Variants in SEMA6D observed in about 807,000 individuals in gnomAD.
SEMA6D encodes the protein semaphorin-6D.
In SEMA6D, 35 loss-of-function variants were observed where a neutral mutation model predicts 106.6. The ratio of observed to expected loss-of-function variants is 0.33; its 90% CI spans 0.25 to 0.44. The LOEUF (loss-of-function observed/expected upper bound fraction) is 0.44. SEMA6D is among the 20% of genes least tolerant of loss of function. The pLI, the probability that SEMA6D is intolerant of heterozygous loss-of-function variation, is 1.00. For synonymous variants in SEMA6D, 499 were observed against 487.7 expected (o/e 1.02, Z -0.31); for missense variants, 1,185 against 1,345.9 (o/e 0.88, Z 1.87).
At chr15:47,679,068 G>T (rs2078297904) in intron 4 of SEMA6D, among the ~76,000 whole-genome samples, 1 of 152,196 alleles carries the variant, frequency 6.6e-6, no homozygotes, top group Non-Finnish European at 1.5e-5. Context: ...ATTAAAATAT[G>T]TCCGATGTTA....
intron 1 of SEMA6D, among the ~76,000 whole-genome samples, chr15:47,235,966 T>G (rs1314349589): frequency 6.6e-6 from 1 of 152,096 alleles, no homozygotes; most frequent in Non-Finnish European, 1.5e-5. Flanking sequence ...GTACTTGGAA[T>G]GATGACTGTT....
At chr15:47,188,071 T>G (rs1048768291) in intron 1 of SEMA6D, among the ~76,000 whole-genome samples, 2 of 152,192 alleles carry the variant, frequency 1.3e-5, no homozygotes, top group African/African-American at 4.8e-5. Flanking sequence ...TTCCACTCAC[T>G]TTTTTATTTT....
intron 4 of SEMA6D, among the ~76,000 whole-genome samples, chr15:47,643,051 G>C (rs908550576): frequency 1.3e-5 from 2 of 152,106 alleles, no homozygotes; most frequent in Non-Finnish European, 2.9e-5. Flanking sequence ...TAGGAACAAG[G>C]TTGGGGATTA....
intron 1 of SEMA6D, among the ~76,000 whole-genome samples, chr15:47,264,631 A>G (rs1021553762): frequency 3.9e-5 from 6 of 152,068 alleles, no homozygotes; most frequent in Admixed American, 6.6e-5. Context: ...TAGAACTTCC[A>G]GTACACTATT....
intron 1 of SEMA6D, among the ~76,000 whole-genome samples, chr15:47,337,593 A>G (rs527429300): frequency 6.6e-6 from 1 of 152,308 alleles, no homozygotes; most frequent in African/African-American, 2.4e-5. Flanking sequence ...CATACCACCC[A>G]TAATTTCCAA....
At chr15:47,395,210 A>G (rs1259546318) in intron 1 of SEMA6D, among the ~76,000 whole-genome samples, 1 of 152,232 alleles carries the variant, frequency 6.6e-6, no homozygotes, top group Middle Eastern at 3.2e-3. Context: ...TGTTCTAACA[A>G]GCACAGTGAG....
At chr15:47,662,095 G>T (rs559328715) in intron 4 of SEMA6D, among the ~76,000 whole-genome samples, 23 of 152,298 alleles carry the variant, frequency 1.5e-4, no homozygotes, top group African/African-American at 5.3e-4. Context: ...GAGTGTATCA[G>T]TGGGTGTCTG....
intron 3 of SEMA6D, among the ~76,000 whole-genome samples, chr15:47,574,070 ACTT>A (rs201505558): frequency 0.011 from 1,749 of 152,300 alleles, 38 homozygotes; most frequent in African/African-American, 0.04. Flanking sequence ...CCAGGCAAGA[ACTT>A]CTTCTCTGAT....
intron 4 of SEMA6D, among the ~76,000 whole-genome samples, chr15:47,644,927 A>G (rs1421302452): frequency 6.6e-6 from 1 of 152,194 alleles, no homozygotes; most frequent in African/African-American, 2.4e-5. Flanking sequence ...AAGCTTCATA[A>G]CATTAGGACA....
chr15:47,198,919 G>A (rs898707294), intron 1 of SEMA6D, among the ~76,000 whole-genome samples: 1 of 152,146 alleles, frequency 6.6e-6, no homozygotes, highest in African/African-American at 2.4e-5. Flanking sequence ...GGTACAGTTT[G>A]GAGTCCTTTC....
intron 1 of SEMA6D, among the ~76,000 whole-genome samples, chr15:47,402,911 C>T (rs913332969): frequency 6.6e-6 from 1 of 152,190 alleles, no homozygotes; most frequent in Non-Finnish European, 1.5e-5. Context: ...AAGCCTCCAT[C>T]ATAGAGTAAT....
chr15:47,759,688 C>T, intron 1 of SEMA6D, 57 bp from the exon 2 acceptor site: 2 of 784,290 alleles, frequency 2.6e-6, no homozygotes, highest in Non-Finnish European at 4.4e-6. Context: ...TGATTACAAA[C>T]AAGAAAACCG....
At chr15:47,687,275 C>T (rs2078490515) in intron 4 of SEMA6D, among the ~76,000 whole-genome samples, 1 of 152,088 alleles carries the variant, frequency 6.6e-6, no homozygotes, top group Non-Finnish European at 1.5e-5. Flanking sequence ...GTGGGCAAGA[C>T]AGATGCTTCC....
intron 1 of SEMA6D, among the ~76,000 whole-genome samples, chr15:47,375,391 A>G (rs1282408394): frequency 6.6e-6 from 1 of 151,970 alleles, no homozygotes; most frequent in African/African-American, 2.4e-5. Context: ...TTACTCTCCC[A>G]TTCCACCTCC....
intron 3 of SEMA6D, among the ~76,000 whole-genome samples, chr15:47,598,205 T>C (rs538206739): frequency 3.3e-5 from 5 of 152,082 alleles, no homozygotes; most frequent in Non-Finnish European, 7.4e-5. Flanking sequence ...TGTATGTCTA[T>C]TGGAAAAGGC....
At chr15:47,658,233 T>C (rs939826776) in intron 4 of SEMA6D, among the ~76,000 whole-genome samples, 15 of 152,298 alleles carry the variant, frequency 9.8e-5, no homozygotes, top group African/African-American at 3.1e-4. Flanking sequence ...AATAATTTCT[T>C]ACATTGTATC....
At chr15:47,692,416 C>A (rs2078608632) in intron 4 of SEMA6D, among the ~76,000 whole-genome samples, 1 of 152,152 alleles carries the variant, frequency 6.6e-6, no homozygotes, top group Non-Finnish European at 1.5e-5. Flanking sequence ...CAGCTCTGTT[C>A]TGCCGACCTG....
intron 1 of SEMA6D, among the ~76,000 whole-genome samples, chr15:47,253,451 C>T (rs946808419): frequency 6.6e-6 from 1 of 152,042 alleles, no homozygotes; most frequent in Non-Finnish European, 1.5e-5. Context: ...TGCCATGAAG[C>T]GTTTCCCAAG....
At chr15:47,590,275 C>T (rs910695927) in intron 3 of SEMA6D, among the ~76,000 whole-genome samples, 1 of 150,174 alleles carries the variant, frequency 6.7e-6, no homozygotes, top group Admixed American at 6.8e-5. Context: ...AAAACTATCA[C>T]AAGGACAGAA....
Sources: gnomAD v4.1 joint callset for allele counts (sites outside exome capture counted in the v4.1 genomes callset) on GRCh38, gnomAD v4.1.1 for gene constraint, MANE v1.5 for transcripts, NCBI Gene and HGNC (gene_info 2026-07-23, HGNC 2026-07-21) for gene names.